Variants in LY96 observed in about 807,000 individuals in gnomAD.
LY96 encodes the protein myeloid differentiation protein-2.
LY96 carries 18 observed loss-of-function variants against 18.9 expected under a neutral mutation model. The observed-to-expected ratio is 0.95, with a 90% CI of 0.66 to 1.41. The LOEUF (loss-of-function observed/expected upper bound fraction) is 1.41. Ranked by LOEUF, LY96 falls within the 40% of genes most tolerant of loss-of-function variation. The probability of loss-of-function intolerance (pLI) is 0.00; values close to 1 mark genes in which losing one functional copy is unlikely to be tolerated. For missense variants in LY96, 175 were observed against 182.4 expected (o/e 0.96, Z 0.23); for synonymous variants, 66 against 62.6 (o/e 1.06, Z -0.26).
intron 1 of LY96, 118 bp from the exon 2 acceptor site, chr8:74,004,678 A>G (rs536975625): frequency 2.3e-5 from 22 of 970,448 alleles, no homozygotes; most frequent in Non-Finnish European, 3.2e-5. Flanking sequence ...ATCATCATCA[A>G]TTTTTCTTAT....
chr8:74,060,975 A>T, the LY96 span, among the ~76,000 whole-genome samples: 8 of 152,312 alleles, frequency 5.3e-5, no homozygotes, highest in African/African-American at 1.7e-4. Context: ...GAGCATTTCT[A>T]TACCTTCGTG....
chr8:74,004,420 G>A (rs1436059474), intron 1 of LY96, among the ~76,000 whole-genome samples: 2 of 152,162 alleles, frequency 1.3e-5, no homozygotes, highest in Admixed American at 1.3e-4. Context: ...CTGGTTGGGG[G>A]GGTCTCTTCC....
the LY96 span, among the ~76,000 whole-genome samples, chr8:74,035,221 A>T: frequency 6.6e-6 from 1 of 151,940 alleles, no homozygotes. Flanking sequence ...TTATGTAAAA[A>T]CTTTTTTTTT....
At chr8:74,055,559 G>A in the LY96 span, among the ~76,000 whole-genome samples, 1 of 152,134 alleles carries the variant, frequency 6.6e-6, no homozygotes, top group Non-Finnish European at 1.5e-5. Context: ...TAGACAGAAT[G>A]GTCCCTCAAA....
the LY96 span, among the ~76,000 whole-genome samples, chr8:74,054,665 T>TTTCC: frequency 1.4e-5 from 2 of 144,186 alleles, no homozygotes; most frequent in African/African-American, 2.6e-5. Flanking sequence ...TCTTTCTTTC[T>TTTCC]TTCTTTCTTT....
chr8:74,092,351 G>A, the LY96 span, among the ~76,000 whole-genome samples: 1 of 152,160 alleles, frequency 6.6e-6, no homozygotes, highest in Admixed American at 6.5e-5. Context: ...ATGAGTACAT[G>A]GCTTTAGGGA....
the LY96 span, among the ~76,000 whole-genome samples, chr8:74,098,884 A>G: frequency 1.3e-5 from 2 of 152,212 alleles, no homozygotes; most frequent in East Asian, 1.9e-4. Context: ...GTAGCCAGTA[A>G]TCACACCCTA....
intron 1 of LY96, among the ~76,000 whole-genome samples, chr8:73,999,036 T>C (rs1326314320): frequency 6.6e-6 from 1 of 151,864 alleles, no homozygotes; most frequent in Admixed American, 6.6e-5. Flanking sequence ...AGTGGCATGA[T>C]CTCAGCTCAC....
the LY96 span, among the ~76,000 whole-genome samples, chr8:74,081,016 TTC>T: frequency 4.3e-4 from 57 of 133,428 alleles, no homozygotes; most frequent in African/African-American, 1.9e-3. Flanking sequence ...CTTTCTTTCT[TTC>T]TTTCTTTCTT....
the LY96 span, among the ~76,000 whole-genome samples, chr8:74,059,761 T>C: frequency 5.3e-5 from 8 of 152,330 alleles, 1 homozygote; most frequent in East Asian, 1.5e-3. Context: ...AGCTTTATGA[T>C]CTCAGGGCAA....
At chr8:74,031,981 T>C (rs1264534150), downstream of LY96, among the ~76,000 whole-genome samples, 1 of 151,876 alleles carries the variant, frequency 6.6e-6, no homozygotes, top group Non-Finnish European at 1.5e-5. Context: ...AAAAATTATC[T>C]GGTAGTGGTG....
intron 1 of LY96, among the ~76,000 whole-genome samples, chr8:73,992,836 C>CTCTATGTG (rs1816033461): frequency 7.1e-6 from 1 of 141,782 alleles, no homozygotes; most frequent in Admixed American, 7.3e-5. Flanking sequence ...AATTATGCCA[C>CTCTATGTG]TGTGTGTGTG....
the LY96 span, among the ~76,000 whole-genome samples, chr8:74,077,533 T>G: frequency 6.6e-6 from 1 of 151,958 alleles, no homozygotes; most frequent in East Asian, 1.9e-4. Context: ...GCAATGAAAA[T>G]GGAGGACTGA....
chr8:74,065,660 C>T, the LY96 span, among the ~76,000 whole-genome samples: 1 of 152,176 alleles, frequency 6.6e-6, no homozygotes, highest in Non-Finnish European at 1.5e-5. Context: ...GTTTCCTCAT[C>T]TATAAATGAA....
chr8:74,045,208 G>A, the LY96 span, among the ~76,000 whole-genome samples: 1 of 152,232 alleles, frequency 6.6e-6, no homozygotes, highest in Admixed American at 6.5e-5. Flanking sequence ...AGGCTTGTCA[G>A]TCTGGGCATT....
intron 3 of LY96, among the ~76,000 whole-genome samples, chr8:74,013,245 C>T (rs2131271139): frequency 6.6e-6 from 1 of 152,218 alleles, no homozygotes; most frequent in East Asian, 1.9e-4. Context: ...GCCTCAGCCT[C>T]CCGAGTAGCT....
the LY96 span, among the ~76,000 whole-genome samples, chr8:74,036,505 CAGATTCATGACT>C: frequency 7.2e-5 from 11 of 152,168 alleles, no homozygotes; most frequent in African/African-American, 2.7e-4. Context: ...TGACCCCACC[CAGATTCATGACT>C]CATTACTCAA....
chr8:74,008,016 T>C (rs1816450446), intron 2 of LY96, among the ~76,000 whole-genome samples: 1 of 152,190 alleles, frequency 6.6e-6, no homozygotes, highest in African/African-American at 2.4e-5. Flanking sequence ...CGCCTTGGCC[T>C]CTCAAAGTGC....
rs1256123814 is a variant in LY96 at position 74,013,898 on chromosome 8, A to T, written c.331+3769A>T. 2.0e-5 allele frequency among the ~76,000 whole-genome samples: 3 copies of T among 152,204 alleles called. No individual in the cohort carries two copies. In the East Asian group the frequency reaches 5.8e-4, roughly 29 times the overall value. On this transcript the variant is annotated intron_variant, in intron 3 of 4. Transcript: ENST00000284818. Reference sequence around the variant, plus strand: ...AAATATTGGCCGGTATCCTATAGTCAGTGGGCAGGGATGACCCACTGAGAT... The same window carrying T: ...AAATATTGGCCGGTATCCTATAGTCTGTGGGCAGGGATGACCCACTGAGAT...
Sources: allele counts gnomAD v4.1 joint callset (sites outside exome capture counted in the v4.1 genomes callset), GRCh38; gene constraint gnomAD v4.1.1; transcripts MANE v1.5; gene names NCBI Gene and HGNC (gene_info 2026-07-23, HGNC 2026-07-21).